NDUFAF6: variants seen among roughly 807,000 people sequenced by gnomAD.
The protein encoded by NDUFAF6 is NADH:ubiquinone oxidoreductase complex assembly factor 6.
Under a neutral mutation model 40.8 loss-of-function variants are expected in NDUFAF6, and 45 were observed. That is an observed-to-expected ratio of 1.10 (90% CI 0.87 to 1.42). The LOEUF is 1.42. Ranked by LOEUF, NDUFAF6 falls within the 40% of genes most tolerant of loss-of-function variation. The probability of loss-of-function intolerance (pLI) is 0.00; values close to 1 mark genes in which losing one functional copy is unlikely to be tolerated. For missense variants in NDUFAF6, 435 were observed against 418.5 expected (o/e 1.04, Z -0.34); for synonymous variants, 185 against 155.9 (o/e 1.19, Z -1.39).
rs547927989 is a variant in NDUFAF6, at chr8:94,907,551, A to T, written c.-936+11624A>T. Among the ~76,000 whole-genome samples the T allele has an allele frequency of 2.6e-5, 4 of 152,322 alleles. No homozygotes were observed. In the South Asian group the frequency reaches 8.3e-4, roughly 32 times the overall value. On this transcript the variant is annotated intron_variant, in intron 1 of 14. Coordinates refer to the NDUFAF6 transcript ENST00000396113. The stretch of plus-strand genomic sequence containing the variant: ...TTACCATAGCTGAAACATAGCTGTG[A>T]TTATCCCATATACCCAAACATCTCA...
At chr8:95,056,953 T>C (rs1161471651) in intron 8 of NDUFAF6, among the ~76,000 whole-genome samples, 1 of 151,920 alleles carries the variant, frequency 6.6e-6, no homozygotes, top group Non-Finnish European at 1.5e-5. Context: ...TTCACTCATA[T>C]ATTTATAAAA....
intron 2 of NDUFAF6, among the ~76,000 whole-genome samples, chr8:95,085,031 T>C (rs1808995447): frequency 6.6e-6 from 1 of 152,224 alleles, no homozygotes; most frequent in Non-Finnish European, 1.5e-5. Context: ...ATACCACTTG[T>C]CAACTCCTTA....
intron 9 of NDUFAF6, among the ~76,000 whole-genome samples, chr8:95,065,432 A>G (rs1832679875): frequency 6.6e-6 from 1 of 152,196 alleles, no homozygotes; most frequent in South Asian, 2.1e-4. Context: ...GTTTTGGTCT[A>G]TGTCCTCCTC....
intron 7 of NDUFAF6, among the ~76,000 whole-genome samples, chr8:95,049,331 T>A (rs1399403642): frequency 6.6e-6 from 1 of 152,222 alleles, no homozygotes; most frequent in East Asian, 1.9e-4. Flanking sequence ...TCACTTTAGT[T>A]GTTCCCTAAG....
rs55703438 is a variant in NDUFAF6 at position 94,958,522 on chromosome 8, C to CTTTTTTTTTTTTTT, written c.-199+360_-199+373dup. On this transcript the variant is annotated intron_variant, in intron 1 of 9. Transcript: ENST00000396111. ...CCCTATCTCCACACATAGTCACATTCTTTTTTTTTTTTTTTTTTTTTTTTT... is the reference window on the plus strand; with the variant it reads ...CCCTATCTCCACACATAGTCACATTCTTTTTTTTTTTTTTTTTTTTTTTTTTTTTTTTTTTTTTT... 1.3e-4 allele frequency among the ~76,000 whole-genome samples: 9 copies of CTTTTTTTTTTTTTT among 71,274 alleles called. 3 individuals carry two copies. The highest frequency in any genetic ancestry group is 4.7e-4 in the African/African-American group (8 of 16,946). The allele number at this position is 71,274 out of a possible 152,430, so 46.8% of individuals were successfully genotyped here. A position where few individuals can be genotyped will look rare whatever the true frequency, so the allele number is the denominator to read the frequency against.
At chr8:95,034,090 A>G in intron 2 of NDUFAF6, 1 of 457,794 alleles carries the variant, frequency 2.2e-6, no homozygotes, top group Non-Finnish European at 4.4e-6. Flanking sequence ...ACCCACCACC[A>G]GGATATTTGG....
intron 2 of NDUFAF6, among the ~76,000 whole-genome samples, chr8:94,948,902 G>A (rs1822274389): frequency 6.6e-6 from 1 of 151,514 alleles, no homozygotes; most frequent in Non-Finnish European, 1.5e-5. Flanking sequence ...TGTCCGCGCC[G>A]CCGCCGCCTC....
At chr8:95,107,359 T>C (rs1809870297), downstream of NDUFAF6, among the ~76,000 whole-genome samples, 1 of 152,182 alleles carries the variant, frequency 6.6e-6, no homozygotes, top group Non-Finnish European at 1.5e-5. Flanking sequence ...ACCATCATTC[T>C]CAGCAAGCTA....
chr8:95,043,338 C>G (rs1431540124), intron 4 of NDUFAF6, among the ~76,000 whole-genome samples: 1 of 152,070 alleles, frequency 6.6e-6, no homozygotes, highest in African/African-American at 2.4e-5. Context: ...ATCCACCCGC[C>G]TCAGCCTCCC....
downstream of NDUFAF6, among the ~76,000 whole-genome samples, chr8:95,059,075 T>C (rs1219839948): frequency 1.3e-5 from 2 of 152,162 alleles, no homozygotes; most frequent in African/African-American, 4.8e-5. Context: ...ATAAAACTTT[T>C]AGAAAATGCA....
At position 95,101,995 on chromosome 8, in the gene NDUFAF6, A is replaced by AT. The variant is rs5893317; in HGVS notation, n.230+782dup. On this transcript the variant is annotated intron_variant and non_coding_transcript_variant, in intron 2 of 2. Coordinates refer to the NDUFAF6 transcript ENST00000521063. ...TAGGAAAAGTGTAATCTAAAAAAGT[A>AT]TTTTTTTTTTTTTATTTTTGAGATG... Among the ~76,000 whole-genome samples, 400 of 150,442 alleles carry AT rather than the reference A, an allele frequency of 2.7e-3. 2 individuals are homozygous for AT. Among genetic ancestry groups the AT allele is most frequent in the African/African-American group, 9.4e-3 (386 of 41,068 alleles).
intron 2 of NDUFAF6, among the ~76,000 whole-genome samples, chr8:95,011,557 A>G (rs1827227883): frequency 6.6e-6 from 1 of 152,192 alleles, no homozygotes; most frequent in Admixed American, 6.5e-5. Flanking sequence ...TGAGAATGTT[A>G]CTGCCCTAGA....
intron 2 of NDUFAF6, among the ~76,000 whole-genome samples, chr8:95,085,061 A>T (rs1808996100): frequency 6.6e-6 from 1 of 152,172 alleles, no homozygotes; most frequent in Admixed American, 6.5e-5. Flanking sequence ...CCAAAGACTG[A>T]TGGCCGTTAT....
chr8:95,016,947 T>C (rs1448056811), intron 2 of NDUFAF6, among the ~76,000 whole-genome samples: 1 of 149,546 alleles, frequency 6.7e-6, no homozygotes, highest in Non-Finnish European at 1.5e-5. Flanking sequence ...TTTTTTTTTT[T>C]TTTTGAGACA....
chr8:95,005,526 A>AAAAT (rs1554657790), intron 2 of NDUFAF6, among the ~76,000 whole-genome samples: 3 of 7,278 alleles, frequency 4.1e-4, no homozygotes, highest in Middle Eastern at 0.036. Flanking sequence ...GGTCCTTTTA[A>AAAAT]ATATATATAT....
At chr8:94,909,673 C>G (rs1818637972) in intron 1 of NDUFAF6, among the ~76,000 whole-genome samples, 1 of 151,392 alleles carries the variant, frequency 6.6e-6, no homozygotes, top group African/African-American at 2.4e-5. Flanking sequence ...CGTGGTAGCT[C>G]CTAGCATTTT....
intron 2 of NDUFAF6, among the ~76,000 whole-genome samples, chr8:94,946,696 CAAAAAAAA>C (rs71273438): frequency 1.4e-4 from 5 of 34,688 alleles, no homozygotes; most frequent in Admixed American, 5.1e-4. Flanking sequence ...GACCCTGTCT[CAAAAAAAA>C]AAAAAAAAAA....
intron 1 of NDUFAF6, among the ~76,000 whole-genome samples, chr8:95,028,188 A>G (rs990755734): frequency 6.6e-6 from 1 of 152,250 alleles, no homozygotes; most frequent in Non-Finnish European, 1.5e-5. Context: ...AATCGAAGTC[A>G]GTACCCATCT....
chr8:95,075,614 T>G (rs1328522501), intron 9 of NDUFAF6: 1 of 1,288,010 alleles, frequency 7.8e-7, no homozygotes, highest in Non-Finnish European at 1.0e-6. Flanking sequence ...TGAATAAGTG[T>G]CCTCTTTCCT....
Sources: gnomAD v4.1 joint callset for allele counts (sites outside exome capture counted in the v4.1 genomes callset) on GRCh38, gnomAD v4.1.1 for gene constraint, MANE v1.5 for transcripts, NCBI Gene and HGNC (gene_info 2026-07-23, HGNC 2026-07-21) for gene names.